Variants in GJB7 observed in about 807,000 individuals in gnomAD.
GJB7 encodes the protein gap junction beta-7 protein.
For missense variants in GJB7, 253 were observed against 256.8 expected, an observed-to-expected ratio of 0.99 and a Z score of 0.10; for synonymous variants, 87 against 95.2, an observed-to-expected ratio of 0.91 and a Z score of 0.50.
At chr6:87,305,728 A>C (rs943312708) in intron 2 of GJB7, among the ~76,000 whole-genome samples, 26 of 152,214 alleles carry the variant, frequency 1.7e-4, no homozygotes, top group Non-Finnish European at 3.7e-4. Flanking sequence ...AGTCAATCCT[A>C]AGCCAAAAGA....
At chr6:87,313,334 T>C (rs1416898754) in intron 2 of GJB7, among the ~76,000 whole-genome samples, 1 of 152,226 alleles carries the variant, frequency 6.6e-6, no homozygotes, top group African/African-American at 2.4e-5. Context: ...GGGACACCCT[T>C]TTAGGACTAT....
intron 2 of GJB7, among the ~76,000 whole-genome samples, chr6:87,303,911 G>T (rs961572756): frequency 6.6e-6 from 1 of 152,274 alleles, no homozygotes; most frequent in East Asian, 1.9e-4. Flanking sequence ...TGAACAACCT[G>T]CCCCTGAATG....
intron 1 of GJB7, among the ~76,000 whole-genome samples, chr6:87,324,145 C>T (rs1446575772): frequency 2.0e-5 from 3 of 152,034 alleles, no homozygotes; most frequent in African/African-American, 4.8e-5. Flanking sequence ...TGTAAATTTG[C>T]TTGAGTTGAT....
chr6:87,322,119 C>G (rs999586093), intron 2 of GJB7, among the ~76,000 whole-genome samples: 1 of 152,192 alleles, frequency 6.6e-6, no homozygotes, highest in Non-Finnish European at 1.5e-5. Flanking sequence ...CTATTCTTGT[C>G]TCAACTGCAC....
At chr6:87,319,189 A>G (rs900107551) in intron 2 of GJB7, among the ~76,000 whole-genome samples, 2 of 152,258 alleles carry the variant, frequency 1.3e-5, no homozygotes, top group Non-Finnish European at 2.9e-5. Flanking sequence ...CAAAATGAAG[A>G]TTACAAAAGC....
intron 2 of GJB7, among the ~76,000 whole-genome samples, chr6:87,296,348 T>C (rs1165964131): frequency 6.6e-6 from 1 of 152,226 alleles, no homozygotes; most frequent in East Asian, 1.9e-4. Context: ...AGTTAAATTT[T>C]ATATAGAGAC....
At chr6:87,293,479 A>G (rs1162302218) in intron 2 of GJB7, among the ~76,000 whole-genome samples, 3 of 151,548 alleles carry the variant, frequency 2.0e-5, no homozygotes, top group African/African-American at 7.3e-5. Flanking sequence ...TTTTACAGAG[A>G]TCCCAGGATC....
chr6:87,323,692 G>T (rs1352275693), intron 1 of GJB7, among the ~76,000 whole-genome samples: 1 of 152,088 alleles, frequency 6.6e-6, no homozygotes, highest in East Asian at 1.9e-4. Context: ...CATTTGGGTT[G>T]GTTCCAGGTC....
At chr6:87,306,870 T>C (rs1776436234) in intron 2 of GJB7, among the ~76,000 whole-genome samples, 1 of 152,184 alleles carries the variant, frequency 6.6e-6, no homozygotes, top group South Asian at 2.1e-4. Context: ...TTCATGTCCT[T>C]TATAGGGACA....
At chr6:87,297,525 AAAG>A (rs1299279796) in intron 2 of GJB7, among the ~76,000 whole-genome samples, 5 of 152,244 alleles carry the variant, frequency 3.3e-5, no homozygotes, top group Admixed American at 6.5e-5. Flanking sequence ...TAATCAGAAA[AAAG>A]AATATAAAAT....
intron 2 of GJB7, chr6:87,299,632 C>A: frequency 4.9e-6 from 1 of 205,668 alleles, no homozygotes; most frequent in Non-Finnish European, 9.7e-6. Context: ...AAAAGTTGGT[C>A]TTCAGATCAT....
At chr6:87,305,550 T>A (rs928947277) in intron 2 of GJB7, among the ~76,000 whole-genome samples, 1 of 152,116 alleles carries the variant, frequency 6.6e-6, no homozygotes, top group Non-Finnish European at 1.5e-5. Flanking sequence ...TGGAAGAACA[T>A]CCCGTGCTCA....
At chr6:87,293,015 A>T (rs1180124615) in intron 2 of GJB7, among the ~76,000 whole-genome samples, 1 of 152,164 alleles carries the variant, frequency 6.6e-6, no homozygotes. Context: ...AGAAGAATGT[A>T]GTTTATTTTA....
rs148034853 is a variant in GJB7, at chr6:87,284,575, G to A, written c.338C>T (p.Pro113Leu). 1 of 1,614,092 alleles carries A rather than the reference G, an allele frequency of 6.2e-7. No individual in the cohort carries two copies. The highest frequency in any genetic ancestry group is 8.5e-7 in the Non-Finnish European group (1 of 1,179,996). Reference protein sequence around the residue: ...KRHRKKLYVSPGTMDGGLWYA... With the variant: ...KRHRKKLYVSLGTMDGGLWYA... The stretch of plus-strand genomic sequence containing the variant: ...CCATAGGCCCCCATCCATTGTACCT[G>A]GGCTGACATAGAGTTTCTTTCTGTG... Residue 113 changes from proline (P) to leucine (L), a missense_variant, in exon 3 of 3, where the codon CCA becomes CTA. Pro to Leu is a moderately conservative substitution (Grantham distance 98). Coordinates refer to ENST00000525899, the MANE Select transcript of GJB7 (RefSeq NM_198568.3).
At chr6:87,315,325 A>G (rs1145715) in intron 2 of GJB7, among the ~76,000 whole-genome samples, 89,150 of 151,898 alleles carry the variant, frequency 0.59, 26,499 homozygotes, top group Non-Finnish European at 0.62. Flanking sequence ...TGTCCAAAGC[A>G]ATTTGTCCTG....
At chr6:87,313,574 A>G (rs1218459293) in intron 2 of GJB7, among the ~76,000 whole-genome samples, 23 of 152,202 alleles carry the variant, frequency 1.5e-4, no homozygotes, top group Admixed American at 1.5e-3. Context: ...TCAAATCTCA[A>G]CCATCTGAAA....
In GJB7 at chr6:87,303,704, C is replaced by T. The variant is rs577461463; in HGVS notation, c.-27-18765G>A. Among the ~76,000 whole-genome samples the T allele has an allele frequency of 1.6e-4, 25 of 152,338 alleles. No homozygotes were observed. In the South Asian group the frequency reaches 5.0e-3, roughly 30 times the overall value. On this transcript the variant is annotated intron_variant, in intron 2 of 2. Transcript: ENST00000525899. ...TAGACATCTACAGAACTCTCCACCC[C>T]AAATCAACAGAATATACCTTCTTCT...
chr6:87,301,746 G>C (rs553260724), intron 2 of GJB7, among the ~76,000 whole-genome samples: 1 of 152,322 alleles, frequency 6.6e-6, no homozygotes. Context: ...GTGGGACCCT[G>C]ACCCCGGAGT....
chr6:87,318,697 G>A (rs973767645), intron 2 of GJB7, among the ~76,000 whole-genome samples: 8 of 152,282 alleles, frequency 5.3e-5, no homozygotes, highest in African/African-American at 1.9e-4. Context: ...GGATAAAGGT[G>A]GGGACACAGG....
Sources: allele counts gnomAD v4.1 joint callset (sites outside exome capture counted in the v4.1 genomes callset), GRCh38; gene constraint gnomAD v4.1.1; transcripts MANE v1.5; gene names NCBI Gene and HGNC (gene_info 2026-07-23, HGNC 2026-07-21).